NOL11: variants seen among roughly 807,000 people sequenced by gnomAD.
NOL11 encodes the protein nucleolar protein 11.
In NOL11, 42 loss-of-function variants were observed where a neutral mutation model predicts 93.0. That is an observed-to-expected ratio of 0.45 (90% confidence interval 0.35 to 0.58). The LOEUF is 0.58. Among genes scored for constraint, NOL11 ranks in the 20% least tolerant of loss-of-function variants. The pLI, the probability that NOL11 is intolerant of heterozygous loss-of-function variation, is 0.00. For missense variants in NOL11, 775 were observed against 841.8 expected, an observed-to-expected ratio of 0.92 and a Z score of 0.98; for synonymous variants, 296 against 293.7, an observed-to-expected ratio of 1.01 and a Z score of -0.08.
chr17:67,738,136 G>A lies in NOL11; in HGVS notation c.1544G>A (p.Ser515Asn), dbSNP rs1001915136. Residue 515 changes from serine to asparagine, a missense_variant, in exon 14 of 18, where the codon AGT becomes AAT. Around this residue, in one of 2 missense-constraint regions of NOL11, gnomAD observed 416 missense variants for 525.2 expected, o/e 0.79. Coordinates refer to ENST00000253247, the MANE Select transcript of NOL11 (RefSeq NM_015462.5). ...TACCATCATAGCATTGGTGATGACA[G>A]TCTTCAAGAAACAGATGTTAATATG... is the stretch of plus-strand genomic sequence containing the variant. ...LKIFLSIGDD[S>N]LQETDVNMES... 6.2e-7 allele frequency: 1 copy of A among 1,609,314 alleles called. No homozygotes were observed. The highest frequency in any genetic ancestry group is 1.7e-4 in the Middle Eastern group (1 of 6,052).
At chr17:67,726,323 C>A in intron 6 of NOL11, 137 bp from the exon 7 acceptor site, 1 of 576,486 alleles carries the variant, frequency 1.7e-6, no homozygotes, top group Non-Finnish European at 2.8e-6. Flanking sequence ...AGAGAAAGCA[C>A]AGTGATGGGA....
At chr17:67,723,543 T>C (rs2055055821) in intron 5 of NOL11, among the ~76,000 whole-genome samples, 1 of 150,954 alleles carries the variant, frequency 6.6e-6, no homozygotes, top group South Asian at 2.1e-4. Flanking sequence ...CGCCCACCAC[T>C]ACTCCTGGCT....
intron 6 of NOL11, among the ~76,000 whole-genome samples, chr17:67,724,827 G>A (rs1244409925): frequency 6.6e-6 from 1 of 152,148 alleles, no homozygotes; most frequent in Non-Finnish European, 1.5e-5. Context: ...GGGAGGCTGA[G>A]GTGGGCAGAT....
At chr17:67,726,702 AC>A (rs1283206599) in intron 7 of NOL11, 54 bp downstream of exon 7, 1 of 1,282,160 alleles carries the variant, frequency 7.8e-7, no homozygotes, top group Non-Finnish European at 1.1e-6. Flanking sequence ...TTCACGGTGT[AC>A]CTTTTAGTCT....
chr17:67,724,975 G>A (rs2055076595), intron 6 of NOL11, among the ~76,000 whole-genome samples: 1 of 152,164 alleles, frequency 6.6e-6, no homozygotes, highest in South Asian at 2.1e-4. Flanking sequence ...GGAGAATGGT[G>A]TGAACCCAGG....
chr17:67,720,934 TAAAC>T (rs2043213187), intron 3 of NOL11, among the ~76,000 whole-genome samples: 1 of 152,246 alleles, frequency 6.6e-6, no homozygotes. Context: ...TCCTGAATTT[TAAAC>T]AGTGGGGGTT....
At chr17:67,729,656 G>A (rs992329173) in intron 7 of NOL11, among the ~76,000 whole-genome samples, 1 of 151,746 alleles carries the variant, frequency 6.6e-6, no homozygotes, top group Non-Finnish European at 1.5e-5. Flanking sequence ...TCGGCTCACT[G>A]CAAGCTCCGC....
Position 67,719,754 on chromosome 17 carries a change from A to G in NOL11, c.222A>G (p.Gln74=). ...IITCPAVCNF[Q]TGEYVVVHDN... is the part of the protein sequence containing the mutation. ...CATGTCCAGCTGTGTGCAACTTTCA[A>G]ACTGGAGAGTATGTTGTTGTACACG... Residue 74 remains glutamine, a synonymous_variant, in exon 2 of 18, where the codon CAA becomes CAG. Coordinates refer to ENST00000253247, the MANE Select transcript of NOL11 (RefSeq NM_015462.5). 6.2e-7 allele frequency: 1 copy of G among 1,609,872 alleles called. No homozygotes were observed. Among genetic ancestry groups the G allele is most frequent in the Non-Finnish European group, 8.5e-7 (1 of 1,178,186 alleles).
intron 16 of NOL11, 32 bp downstream of exon 16, chr17:67,739,640 T>C: frequency 2.2e-6 from 3 of 1,380,140 alleles, no homozygotes; most frequent in Non-Finnish European, 3.0e-6. Flanking sequence ...GATTTGGTGC[T>C]GGGAAAAATC....
At chr17:67,740,061 C>T (rs898662443) in intron 16 of NOL11, among the ~76,000 whole-genome samples, 9 of 151,914 alleles carry the variant, frequency 5.9e-5, no homozygotes, top group African/African-American at 2.2e-4. Context: ...CATGGTGAAA[C>T]CCTGTCTCTA....
intron 4 of NOL11, 151 bp from the exon 5 acceptor site, chr17:67,722,429 A>T: frequency 1.7e-6 from 2 of 1,200,074 alleles, no homozygotes; most frequent in East Asian, 3.0e-5. Context: ...TGCTTGTGGT[A>T]TATGTTTCAA....
At position 67,744,009 on chromosome 17, in the gene NOL11, C is replaced by T. The variant is rs116843224; in HGVS notation, c.*150C>T. On this transcript the variant is annotated 3_prime_UTR_variant, in exon 18 of 18. Transcript: ENST00000253247. The stretch of plus-strand genomic sequence containing the variant: ...CCTGGACCATCACTTAACTGATGCT[C>T]CGGGGTAGGACTGCAGGTTTCACAT... 9.5e-4 allele frequency: 428 copies of T among 449,020 alleles called. 7 individuals are homozygous for T. In the East Asian group the frequency reaches 0.016, roughly 17 times the overall value. The allele number at this position is 449,020 out of a possible 1,614,324, so 27.8% of individuals were successfully genotyped here.
chr17:67,728,165 C>T (rs2055116993), intron 7 of NOL11, among the ~76,000 whole-genome samples: 1 of 152,060 alleles, frequency 6.6e-6, no homozygotes, highest in Non-Finnish European at 1.5e-5. Flanking sequence ...GAGGCTGAGG[C>T]AGGAGAATGG....
At chr17:67,719,857 A>T in intron 2 of NOL11, 49 bp from the exon 3 acceptor site, 1 of 1,508,034 alleles carries the variant, frequency 6.6e-7, no homozygotes. Context: ...TATTTATTAT[A>T]TGTAAATGGA....
At chr17:67,742,965 G>A (rs553838478) in intron 16 of NOL11, among the ~76,000 whole-genome samples, 1 of 152,214 alleles carries the variant, frequency 6.6e-6, no homozygotes, top group Non-Finnish European at 1.5e-5. Flanking sequence ...GACAACTACT[G>A]GCGCGGTGTC....
At chr17:67,721,179 A>C (rs1170955153) in intron 3 of NOL11, among the ~76,000 whole-genome samples, 199 bp from the exon 4 acceptor site, 2 of 152,242 alleles carry the variant, frequency 1.3e-5, no homozygotes, top group Non-Finnish European at 2.9e-5. Flanking sequence ...GACTAGGTAG[A>C]GAGGATAAGA....
intron 7 of NOL11, among the ~76,000 whole-genome samples, chr17:67,731,251 GTTTTTTTTTTTTTT>G (rs1172300412): frequency 7.9e-5 from 1 of 12,688 alleles, no homozygotes; most frequent in Non-Finnish European, 1.5e-4. Flanking sequence ...GTGCACAAAA[GTTTTTTTTTTTTTT>G]TTTTTTTTTT....
intron 3 of NOL11, 132 bp from the exon 4 acceptor site, chr17:67,721,246 A>G: frequency 1.8e-6 from 1 of 567,986 alleles, no homozygotes; most frequent in East Asian, 3.0e-5. Context: ...TTGGAACCAT[A>G]CATAATTATA....
Position 67,737,832 on chromosome 17 carries a change from A to G in NOL11, c.1404-15A>G. 1.9e-6 allele frequency: 3 copies of G among 1,603,394 alleles called. No homozygotes were observed. The highest frequency in any genetic ancestry group is 2.5e-6 in the Non-Finnish European group (3 of 1,177,204). ...TTCTTAATATGTAATAGTGATTCAG[A>G]TTTTTTTGTCTTAGTTTGTGCCCCG... On this transcript the variant is annotated splice_polypyrimidine_tract_variant and intron_variant, in intron 12 of 17. Transcript: ENST00000253247.
Sources: gnomAD v4.1 joint callset for allele counts (sites outside exome capture counted in the v4.1 genomes callset) on GRCh38, gnomAD v4.1.1 for gene constraint, gnomAD v4.1.1 regional missense constraint, MANE v1.5 for transcripts, NCBI Gene and HGNC (gene_info 2026-07-23, HGNC 2026-07-21) for gene names.